The following SPG11 variants were observed in gnomAD, a reference collection of about 807,000 sequenced individuals.
SPG11 encodes SPG11 vesicle trafficking associated, spatacsin, also known as spatacsin.
A neutral mutation model predicts 274.0 loss-of-function variants in SPG11; 222 were observed. That is an observed-to-expected ratio of 0.81 (90% CI 0.73 to 0.91). SPG11 has a LOEUF of 0.91. SPG11 is among the 40% of genes least tolerant of loss of function. SPG11 has a pLI of 0.00. For missense variants in SPG11, 3,114 were observed against 2,872.7 expected, an observed-to-expected ratio of 1.08 and a Z score of -1.92; for synonymous variants, 1,144 against 1,039.7, an observed-to-expected ratio of 1.10 and a Z score of -1.93.
At chr15:44,569,352 T>G in intron 35 of SPG11, 46 bp downstream of exon 35, 1 of 1,342,258 alleles carries the variant, frequency 7.5e-7, no homozygotes, top group Non-Finnish European at 1.1e-6. Flanking sequence ...GGCTCCTGAA[T>G]TATCAGCAGT....
intron 30 of SPG11, among the ~76,000 whole-genome samples, chr15:44,580,470 G>GA (rs1223797364): frequency 6.6e-6 from 1 of 152,110 alleles, no homozygotes; most frequent in Non-Finnish European, 1.5e-5. Flanking sequence ...ACAACAGAGA[G>GA]AAAAAAAGTT....
rs746000485 is a variant in SPG11 at position 44,608,656 on chromosome 15, A to T, written c.3292-51T>A. 11 of 1,582,964 alleles carry T rather than the reference A, an allele frequency of 6.9e-6. No homozygotes were observed. In the South Asian group the frequency reaches 1.2e-4, roughly 18 times the overall value. On this transcript the variant is annotated intron_variant, in intron 18 of 39. Coordinates refer to ENST00000261866, the MANE Select transcript of SPG11 (RefSeq NM_025137.4). ...TGGACAGTAGCATTTTTCTCTTCTC[A>T]AAGTTTCTTTTTTTCACAAGAACCT... is the stretch of plus-strand genomic sequence containing the variant.
At chr15:44,638,994 CAA>C (rs200325198) in intron 7 of SPG11, among the ~76,000 whole-genome samples, 1 of 138,082 alleles carries the variant, frequency 7.2e-6, no homozygotes, top group African/African-American at 2.7e-5. Flanking sequence ...AGACTGTCTC[CAA>C]AAAAAAAATA....
rs773123413 is a variant in SPG11 at position 44,663,392 on chromosome 15, G to T, written c.256C>A (p.His86Asn). The change falls in exon 1 of 40, where the codon CAC becomes AAC. Residue 86 changes from histidine (H) to asparagine (N), a missense_variant and splice_region_variant. By Grantham distance (68) the His-to-Asn change is moderately conservative. Coordinates refer to ENST00000261866, the MANE Select transcript of SPG11 (RefSeq NM_025137.4). The stretch of plus-strand genomic sequence containing the variant: ...GCCCAACTCTCCCTCAGCACTTACT[G>T]CCAGAAGGGGCCCTCCAGGCAGCAG... Reference protein sequence around the residue: ...GRCCLEGPFWHFLWEDSRNSS... With the variant: ...GRCCLEGPFWNFLWEDSRNSS... 6.2e-7 allele frequency: 1 copy of T among 1,606,904 alleles called. No individual in the cohort carries two copies. The highest frequency in any genetic ancestry group is 1.3e-5 in the African/African-American group (1 of 74,768).
chr15:44,637,986 T>C (rs951249251), intron 7 of SPG11, among the ~76,000 whole-genome samples: 6 of 152,272 alleles, frequency 3.9e-5, no homozygotes, highest in Middle Eastern at 3.4e-3. Flanking sequence ...ATGTATGTGT[T>C]TGTGTCTTCA....
At chr15:44,574,866 C>A in intron 31 of SPG11, 36 bp downstream of exon 31, 1 of 1,612,860 alleles carries the variant, frequency 6.2e-7, no homozygotes, top group South Asian at 1.1e-5. Context: ...ATTTCCCTCC[C>A]TCTCAGAAAG....
intron 19 of SPG11, among the ~76,000 whole-genome samples, chr15:44,606,985 T>C (rs371292234): frequency 6.6e-6 from 1 of 152,186 alleles, no homozygotes; most frequent in Admixed American, 6.5e-5. Context: ...TGTTTTTACA[T>C]AATCCACTTT....
chr15:44,652,348 A>C, intron 4 of SPG11, 82 bp from the exon 5 acceptor site: 1 of 1,437,162 alleles, frequency 7.0e-7, no homozygotes, highest in African/African-American at 1.4e-5. Context: ...TGTTAAAAAT[A>C]AGAGATTACA....
intron 38 of SPG11, among the ~76,000 whole-genome samples, chr15:44,565,297 T>C (rs1228309521): frequency 6.6e-6 from 1 of 152,158 alleles, no homozygotes; most frequent in African/African-American, 2.4e-5. Context: ...TCCCCAACCT[T>C]TTTGGCATCA....
At chr15:44,577,959 G>A (rs1390357311) in intron 30 of SPG11, among the ~76,000 whole-genome samples, 3 of 151,998 alleles carry the variant, frequency 2.0e-5, no homozygotes, top group Non-Finnish European at 2.9e-5. Flanking sequence ...GGCAGTGGTG[G>A]GAGAGGCTGC....
intron 11 of SPG11, 43 bp from the exon 12 acceptor site, chr15:44,622,842 T>C (rs765162105): frequency 2.1e-6 from 3 of 1,420,724 alleles, no homozygotes; most frequent in Middle Eastern, 1.8e-4. Context: ...CATTTTGTAA[T>C]GGAACTATTT....
intron 15 of SPG11, among the ~76,000 whole-genome samples, chr15:44,615,976 G>C (rs2083583326): frequency 6.6e-6 from 1 of 152,020 alleles, no homozygotes; most frequent in Admixed American, 6.6e-5. Context: ...TACTGAACAA[G>C]AATAGAAATC....
chr15:44,568,122 G>A (rs138142284), intron 35 of SPG11, among the ~76,000 whole-genome samples: 243 of 152,230 alleles, frequency 1.6e-3, no homozygotes, highest in African/African-American at 5.6e-3. Context: ...ATGTTTTCAG[G>A]TACATGTGCA....
At chr15:44,622,104 C>G in intron 13 of SPG11, 116 bp downstream of exon 13, 4 of 1,295,924 alleles carry the variant, frequency 3.1e-6, no homozygotes, top group African/African-American at 1.5e-5. Context: ...CAAGTTTTAT[C>G]TCCAAGGAGA....
At position 44,663,221 on chromosome 15, in the gene SPG11, A is replaced by G. The variant is rs377268072; in HGVS notation, c.257+170T>C. 2.5e-4 allele frequency among the ~76,000 whole-genome samples: 38 copies of G among 152,322 alleles called. No homozygotes were observed. The East Asian group carries it at 2.9e-3, about 12-fold the overall frequency. On this transcript the variant is annotated intron_variant, in intron 1 of 39. Coordinates refer to ENST00000261866, the MANE Select transcript of SPG11 (RefSeq NM_025137.4). ...GAGGCGAGCGTTTCAGGTCGGGGGA[A>G]AGGTTCTGTGAGGAAACCACGCTCG...
At chr15:44,621,977 A>G (rs2083766574) in intron 13 of SPG11, 43 bp from the exon 14 acceptor site, 1 of 1,467,076 alleles carries the variant, frequency 6.8e-7, no homozygotes, top group Admixed American at 2.0e-5. Flanking sequence ...AATTTTGGAG[A>G]AAAAGGCATC....
chr15:44,633,608 T>C lies in SPG11; in HGVS notation c.1632A>G (p.Thr544=), dbSNP rs368683333. The C allele has an allele frequency of 7.4e-6, 12 of 1,613,536 alleles. No homozygotes were observed. The Middle Eastern group carries it at 6.6e-4, about 88-fold the overall frequency. The change falls in exon 8 of 40, where the codon ACA becomes ACG. Residue 544 remains threonine, a synonymous_variant. Transcript: ENST00000261866. ...EAGIENRQLD[T]VNFFLKSKEN... is the part of the protein sequence containing the mutation. ...CCTTGCTCTTCAAAAAGAAATTTACTGTGTCCAGCTGACGATTTTCTATCC... is the reference window on the plus strand; with the variant it reads ...CCTTGCTCTTCAAAAAGAAATTTACCGTGTCCAGCTGACGATTTTCTATCC...
intron 7 of SPG11, among the ~76,000 whole-genome samples, chr15:44,638,762 G>A (rs114524394): frequency 0.047 from 7,120 of 152,208 alleles, 428 homozygotes; most frequent in African/African-American, 0.13. Flanking sequence ...TTGGGAAACC[G>A]AGGTGGGTGG....
rs1567180607 is a variant in SPG11, at chr15:44,636,953, AAAAAC to A, written c.1603-3321_1603-3317del. Among the ~76,000 whole-genome samples the A allele has an allele frequency of 1.3e-3, 161 of 128,088 alleles. 6 individuals are homozygous for A. The highest frequency in any genetic ancestry group is 3.0e-3 in the African/African-American group (87 of 29,392). The allele number at this position is 128,088 out of a possible 152,430, so 84.0% of individuals were successfully genotyped here. ...AAAAAAAAAAAAAAAAAAAAAAAAA[AAAAAC>A]AAAAAAAAAACACAAATGTGGTAAA... is the stretch of plus-strand genomic sequence containing the variant. On this transcript the variant is annotated intron_variant, in intron 7 of 39. Coordinates refer to ENST00000261866, the MANE Select transcript of SPG11 (RefSeq NM_025137.4).
Sources: gnomAD v4.1 joint callset for allele counts (sites outside exome capture counted in the v4.1 genomes callset) on GRCh38, gnomAD v4.1.1 for gene constraint, MANE v1.5 for transcripts, NCBI Gene and HGNC (gene_info 2026-07-23, HGNC 2026-07-21) for gene names.